Variants in AK5 observed in about 807,000 individuals in gnomAD.
AK5 encodes the protein adenylate kinase 5, also known as adenylate kinase isoenzyme 5.
A neutral mutation model predicts 69.5 loss-of-function variants in AK5; 27 were observed. The observed-to-expected ratio is 0.39, with a 90% CI of 0.29 to 0.54. The LOEUF is 0.54. AK5 is among the 20% of genes least tolerant of loss of function. AK5 has a pLI of 0.71. For synonymous variants in AK5, 260 were observed against 244.4 expected, an observed-to-expected ratio of 1.06 and a Z score of -0.60; for missense variants, 531 against 700.4, an observed-to-expected ratio of 0.76 and a Z score of 2.73.
At chr1:77,403,318 A>G (rs1476079601) in intron 6 of AK5, among the ~76,000 whole-genome samples, 5 of 152,070 alleles carry the variant, frequency 3.3e-5, no homozygotes, top group Non-Finnish European at 7.4e-5. Flanking sequence ...CCATTTGTCA[A>G]TTTTGGCTTT....
At chr1:77,363,384 C>T (rs1020995981) in intron 6 of AK5, among the ~76,000 whole-genome samples, 7 of 152,198 alleles carry the variant, frequency 4.6e-5, no homozygotes, top group African/African-American at 7.2e-5. Context: ...GGATTCTTGC[C>T]GTGGCCTCTT....
chr1:77,437,990 C>G (rs1462130379), intron 8 of AK5, among the ~76,000 whole-genome samples: 1 of 152,056 alleles, frequency 6.6e-6, no homozygotes, highest in East Asian at 1.9e-4. Flanking sequence ...TTAAATCACC[C>G]TAAGCAATTG....
chr1:77,293,000 G>C (rs1395001515), intron 2 of AK5, among the ~76,000 whole-genome samples: 1 of 152,036 alleles, frequency 6.6e-6, no homozygotes, highest in South Asian at 2.1e-4. Flanking sequence ...ACACACTAAC[G>C]TATTGGCATG....
chr1:77,407,517 A>C (rs1465894693), intron 6 of AK5, among the ~76,000 whole-genome samples: 1 of 152,240 alleles, frequency 6.6e-6, no homozygotes, highest in Non-Finnish European at 1.5e-5. Flanking sequence ...AAGGGATTCC[A>C]AAGGGGCATG....
intron 6 of AK5, among the ~76,000 whole-genome samples, chr1:77,397,263 G>A (rs1030058882): frequency 4.1e-4 from 62 of 151,632 alleles, no homozygotes; most frequent in African/African-American, 1.3e-3. Context: ...GAACCTCCCC[G>A]AGCCCCACAT....
chr1:77,293,669 T>G, intron 2 of AK5, 124 bp from the exon 3 acceptor site: 1 of 806,148 alleles, frequency 1.2e-6, no homozygotes, highest in Non-Finnish European at 1.9e-6. Flanking sequence ...TTAGGGAGAC[T>G]TCTTCCAGTT....
intron 6 of AK5, among the ~76,000 whole-genome samples, chr1:77,399,404 C>T (rs1488923094): frequency 1.3e-5 from 2 of 152,314 alleles, no homozygotes; most frequent in East Asian, 3.9e-4. Context: ...GAGCCTCTCC[C>T]TTCTTATTGT....
At chr1:77,453,649 G>A (rs1444535029) in intron 8 of AK5, among the ~76,000 whole-genome samples, 3 of 152,138 alleles carry the variant, frequency 2.0e-5, no homozygotes, top group Non-Finnish European at 4.4e-5. Context: ...AAGTGAGAAG[G>A]GACTGACTCT....
chr1:77,514,149 T>C (rs986866162), intron 10 of AK5, among the ~76,000 whole-genome samples: 2 of 152,234 alleles, frequency 1.3e-5, no homozygotes, highest in Admixed American at 1.3e-4. Flanking sequence ...CACCTTTTTT[T>C]GAGGTATTCA....
intron 5 of AK5, among the ~76,000 whole-genome samples, chr1:77,310,950 TAA>T (rs1207248407): frequency 6.6e-6 from 1 of 152,166 alleles, no homozygotes; most frequent in African/African-American, 2.4e-5. Context: ...GTTTTGTTCC[TAA>T]ATATAATCGT....
At chr1:77,371,657 G>A (rs1325422437) in intron 6 of AK5, among the ~76,000 whole-genome samples, 1 of 152,148 alleles carries the variant, frequency 6.6e-6, no homozygotes, top group African/African-American at 2.4e-5. Context: ...ATCTGGGTCA[G>A]CTTGCTTCTT....
intron 10 of AK5, among the ~76,000 whole-genome samples, chr1:77,506,254 T>TGGTTGGTG (rs1407579056): frequency 0.015 from 2,285 of 151,746 alleles, 62 homozygotes; most frequent in African/African-American, 0.053. Context: ...GTTGGTTGGT[T>TGGTTGGTG]GTTTTTTTTC....
intron 6 of AK5, among the ~76,000 whole-genome samples, chr1:77,378,521 A>G (rs903944012): frequency 6.6e-6 from 1 of 152,170 alleles, no homozygotes; most frequent in Non-Finnish European, 1.5e-5. Flanking sequence ...GGTTTCACCC[A>G]TGTTGATCAG....
chr1:77,538,627 G>T (rs973814004), intron 13 of AK5, among the ~76,000 whole-genome samples: 1 of 151,852 alleles, frequency 6.6e-6, no homozygotes, highest in African/African-American at 2.4e-5. Context: ...TCCAGCCTGG[G>T]TGACAGAGAG....
At chr1:77,516,637 G>C (rs531818422) in intron 10 of AK5, among the ~76,000 whole-genome samples, 1 of 148,484 alleles carries the variant, frequency 6.7e-6, no homozygotes, top group Admixed American at 6.7e-5. Flanking sequence ...AAGCGTGGTA[G>C]CCTGGAAAAG....
chr1:77,457,578 CAT>C (rs1653571358), intron 8 of AK5, among the ~76,000 whole-genome samples: 1 of 151,964 alleles, frequency 6.6e-6, no homozygotes, highest in South Asian at 2.1e-4. Context: ...TTTTTCAAAC[CAT>C]ATGTTTTTAG....
rs564981058 is a variant in AK5, at chr1:77,296,020, G to A, written c.416-1539G>A. 2.0e-5 allele frequency among the ~76,000 whole-genome samples: 3 copies of A among 152,258 alleles called. No individual in the cohort carries two copies. The East Asian group carries it at 5.8e-4, about 29-fold the overall frequency. On this transcript the variant is annotated intron_variant, in intron 3 of 13. Coordinates refer to ENST00000354567, the MANE Select transcript of AK5 (RefSeq NM_174858.3). ...CAAGAATGATGAAGAACCAATAAGT[G>A]TAAATAATTTCAAGAGGATTGAAAC...
chr1:77,533,349 C>T (rs1658755212), intron 12 of AK5, among the ~76,000 whole-genome samples: 1 of 151,878 alleles, frequency 6.6e-6, no homozygotes, highest in Admixed American at 6.6e-5. Context: ...AACCCCGTCT[C>T]TACTAAAAAT....
chr1:77,311,883 G>A (rs1361884654), intron 5 of AK5, among the ~76,000 whole-genome samples: 1 of 152,080 alleles, frequency 6.6e-6, no homozygotes, highest in Non-Finnish European at 1.5e-5. Context: ...GCTAAGAATG[G>A]CTGGAAACCA....
Sources: allele counts gnomAD v4.1 joint callset (sites outside exome capture counted in the v4.1 genomes callset), GRCh38; gene constraint gnomAD v4.1.1; transcripts MANE v1.5; gene names NCBI Gene and HGNC (gene_info 2026-07-23, HGNC 2026-07-21).